Variants in TRPC5 observed in about 807,000 individuals in gnomAD.
The protein encoded by TRPC5 is short transient receptor potential channel 5.
In TRPC5, 9 loss-of-function variants were observed where a neutral mutation model predicts 56.5. The ratio of observed to expected loss-of-function variants is 0.16; its 90% CI spans 0.10 to 0.28. The LOEUF is 0.28. Ranked by LOEUF, TRPC5 falls within the 10% of genes least tolerant of loss-of-function variation. The pLI is 1.00. For missense variants in TRPC5, 469 were observed against 748.9 expected, an observed-to-expected ratio of 0.63 and a Z score of 4.36; for synonymous variants, 282 against 278.5, an observed-to-expected ratio of 1.01 and a Z score of -0.13.
At chrX:111,822,175 CTT>C (rs1282501057) in intron 7 of TRPC5, among the ~76,000 whole-genome samples, 2 of 111,712 alleles carry the variant, frequency 1.8e-5, no homozygotes, top group Non-Finnish European at 3.8e-5. Context: ...TCTCCAATCT[CTT>C]TTTCTTGTTG....
At chrX:111,807,101 T>C (rs1388788056) in intron 7 of TRPC5, among the ~76,000 whole-genome samples, 1 of 111,718 alleles carries the variant, frequency 9.0e-6, no homozygotes, top group Non-Finnish European at 1.9e-5. Context: ...TACTTGAATA[T>C]TAATATATTT....
intron 7 of TRPC5, among the ~76,000 whole-genome samples, chrX:111,787,720 A>G (rs1445424848): frequency 8.9e-6 from 1 of 111,776 alleles, no homozygotes; most frequent in Non-Finnish European, 1.9e-5. Flanking sequence ...ATAAAAAACG[A>G]TAAAGGGGAT....
chrX:111,888,693 CAAAAAAAAAAAAA>C (rs753735549), intron 3 of TRPC5, among the ~76,000 whole-genome samples: 4 of 10,985 alleles, frequency 3.6e-4, no homozygotes, highest in African/African-American at 8.9e-4. Flanking sequence ...GACTCTATCT[CAAAAAAAAAAAAA>C]AAAAAAAAAA....
chrX:111,871,023 T>C (rs1923739628), intron 3 of TRPC5, among the ~76,000 whole-genome samples: 1 of 111,816 alleles, frequency 8.9e-6, no homozygotes, highest in Non-Finnish European at 1.9e-5. Flanking sequence ...CCACTTCCTT[T>C]CAAATCTTCA....
chrX:111,898,551 A>C (rs189802597), intron 3 of TRPC5, among the ~76,000 whole-genome samples: 6 of 109,546 alleles, frequency 5.5e-5, no homozygotes, highest in Non-Finnish European at 1.1e-4. Context: ...CTTTTTTTCA[A>C]AGACACTTAC....
chrX:111,839,196 T>C (rs777898310), intron 6 of TRPC5, among the ~76,000 whole-genome samples: 1 of 111,497 alleles, frequency 9.0e-6, no homozygotes, highest in South Asian at 3.8e-4. Context: ...CTTTCCTTTC[T>C]CCTTTTCTGT....
At chrX:111,898,297 G>A (rs369573416) in intron 3 of TRPC5, among the ~76,000 whole-genome samples, 200 of 101,899 alleles carry the variant, frequency 2.0e-3, no homozygotes, top group African/African-American at 5.8e-3. Context: ...GCGTGTGTGC[G>A]CACACACACA....
At position 111,773,601 on chromosome X, in the gene TRPC5, T is replaced by C. The variant is rs1420910756; in HGVS notation, c.*2712A>G. On this transcript the variant is annotated 3_prime_UTR_variant, in exon 11 of 11. Coordinates refer to ENST00000262839, the MANE Select transcript of TRPC5 (RefSeq NM_012471.3). ...CCACTTCACATCTATATATAACATA[T>C]ATGCTTACTAATAAATGTCTTCTAT... 1.8e-5 allele frequency among the ~76,000 whole-genome samples: 2 copies of C among 111,540 alleles called. No individual in the cohort carries two copies. The highest frequency in any genetic ancestry group is 3.8e-5 in the Non-Finnish European group (2 of 53,113).
rs1945831407 is a variant in TRPC5, at chrX:111,769,444, C to T, written c.*6869G>A. ...TGTGCTTATTCATGTAAGGCTACCA[C>T]TGCTCCAAGCATAATTGAAACTAGA... On this transcript the variant is annotated 3_prime_UTR_variant, in exon 11 of 11. Transcript: ENST00000262839. Among the ~76,000 whole-genome samples the T allele has an allele frequency of 9.0e-6, 1 of 111,618 alleles. No individual in the cohort carries two copies. Among genetic ancestry groups the T allele is most frequent in the Non-Finnish European group, 1.9e-5 (1 of 53,130 alleles).
At chrX:112,031,688 T>C (rs1420323102) in intron 1 of TRPC5, among the ~76,000 whole-genome samples, 1 of 109,655 alleles carries the variant, frequency 9.1e-6, no homozygotes, top group East Asian at 2.8e-4. Flanking sequence ...TATACATAGA[T>C]GTATATATAT....
At chrX:112,052,750 A>T (rs1930246544) in intron 1 of TRPC5, among the ~76,000 whole-genome samples, 1 of 111,677 alleles carries the variant, frequency 9.0e-6, no homozygotes, top group African/African-American at 3.3e-5. Flanking sequence ...TTTAACTCTT[A>T]TATTTAGGTC....
chrX:111,949,684 A>G (rs1324874628), intron 2 of TRPC5, among the ~76,000 whole-genome samples: 1 of 111,370 alleles, frequency 9.0e-6, no homozygotes, highest in East Asian at 2.8e-4. Flanking sequence ...ATCAAAAAAT[A>G]AAAAAAATAG....
At chrX:111,940,643 A>G (rs1473441503) in intron 2 of TRPC5, among the ~76,000 whole-genome samples, 1 of 104,892 alleles carries the variant, frequency 9.5e-6, no homozygotes, top group Admixed American at 1.0e-4. Context: ...GTGAGCAGAG[A>G]TCATACCACT....
intron 3 of TRPC5, among the ~76,000 whole-genome samples, chrX:111,905,126 G>C (rs1009906898): frequency 9.1e-6 from 1 of 109,901 alleles, no homozygotes; most frequent in African/African-American, 3.4e-5. Context: ...ATGTAACTCT[G>C]AACGTTATTA....
intron 1 of TRPC5, among the ~76,000 whole-genome samples, chrX:112,043,962 TAGC>T (rs199842678): frequency 0.12 from 13,319 of 111,087 alleles, 682 homozygotes; most frequent in African/African-American, 0.15. Context: ...TAATTGCAGT[TAGC>T]AGGAATTATT....
chrX:112,048,244 T>A (rs1930109799), intron 1 of TRPC5, among the ~76,000 whole-genome samples: 1 of 110,455 alleles, frequency 9.1e-6, no homozygotes, highest in Non-Finnish European at 1.9e-5. Flanking sequence ...GGGAGGGGAA[T>A]ACAAAAATTA....
At chrX:112,068,877 G>A (rs1416286270) in intron 1 of TRPC5, among the ~76,000 whole-genome samples, 2 of 111,627 alleles carry the variant, frequency 1.8e-5, no homozygotes, top group African/African-American at 3.3e-5. Context: ...TATAGTATTC[G>A]AAAAGTATTG....
In TRPC5 at chrX:111,938,403, G is replaced by T. The variant is rs1432247184; in HGVS notation, c.378+13640C>A. Among the ~76,000 whole-genome samples, 3 of 107,332 alleles carry T rather than the reference G, an allele frequency of 2.8e-5. No individual in the cohort carries two copies. In the Admixed American group the frequency reaches 3.0e-4, roughly 11 times the overall value. 93.2% of individuals were successfully genotyped at this position (107,332 alleles called of 115,157 possible). ...ACTATGTTGAATAGGAGTGGTGAGA[G>T]AAGGCATCCCTGTCTTGTGCCAGTT... On this transcript the variant is annotated intron_variant, in intron 2 of 10. Coordinates refer to ENST00000262839, the MANE Select transcript of TRPC5 (RefSeq NM_012471.3).
intron 2 of TRPC5, among the ~76,000 whole-genome samples, chrX:111,950,028 A>G (rs1346578128): frequency 1.8e-5 from 2 of 111,953 alleles, no homozygotes; most frequent in Non-Finnish European, 3.8e-5. Flanking sequence ...ACTCAGCCAT[A>G]AAAAGGAATG....
Sources: gnomAD v4.1 joint callset for allele counts (sites outside exome capture counted in the v4.1 genomes callset) on GRCh38, gnomAD v4.1.1 for gene constraint, MANE v1.5 for transcripts, NCBI Gene and HGNC (gene_info 2026-07-23, HGNC 2026-07-21) for gene names.